Variants in SEMA4B observed in about 807,000 individuals in gnomAD.
SEMA4B encodes semaphorin-4B.
In SEMA4B, 55 loss-of-function variants were observed where a neutral mutation model predicts 88.1. The observed-to-expected ratio is 0.62, with a 90% CI of 0.50 to 0.78. The LOEUF (loss-of-function observed/expected upper bound fraction) is 0.78. SEMA4B is among the 30% of genes least tolerant of loss of function. The pLI is 0.00. For synonymous variants in SEMA4B, 525 were observed against 473.6 expected, an observed-to-expected ratio of 1.11 and a Z score of -1.41; for missense variants, 1,062 against 1,111.9, an observed-to-expected ratio of 0.96 and a Z score of 0.64.
At chr15:90,199,245 G>C (rs75026789), upstream of SEMA4B, among the ~76,000 whole-genome samples, 3 of 152,132 alleles carry the variant, frequency 2.0e-5, no homozygotes, top group African/African-American at 7.2e-5. Flanking sequence ...AGGAGGAAAC[G>C]GGGAGAACAG....
At chr15:90,220,928 C>A in intron 4 of SEMA4B, 54 bp from the exon 5 acceptor site, 1 of 1,196,066 alleles carries the variant, frequency 8.4e-7, no homozygotes. Context: ...TCTCACCAAG[C>A]CTGCTCCTCA....
rs1451341227 is a variant in SEMA4B at position 90,228,045 on chromosome 15, C to G, written c.1916C>G (p.Pro639Arg). ...VNASASCHVLPTGDLLLVGTQ... is the reference protein window; with the variant it reads ...VNASASCHVLRTGDLLLVGTQ... ...GCCTCGGCCTCCTGCCACGTGCTACCCACTGGGGACCTGCTGCTGGTGGGC... is the reference window on the plus strand; with the variant it reads ...GCCTCGGCCTCCTGCCACGTGCTACGCACTGGGGACCTGCTGCTGGTGGGC... The change falls in exon 14 of 14, where the codon CCC (proline) becomes CGC (arginine). Residue 639 changes from proline (P) to arginine (R), a missense_variant. Transcript: ENST00000411539. 1.9e-6 allele frequency: 3 copies of G among 1,613,854 alleles called. No homozygotes were observed. The Admixed American group carries it at 5.0e-5, about 27-fold the overall frequency.
intron 1 of SEMA4B, among the ~76,000 whole-genome samples, chr15:90,208,218 C>T (rs1297134318): frequency 2.0e-5 from 3 of 151,086 alleles, no homozygotes; most frequent in African/African-American, 7.3e-5. Flanking sequence ...CATGCCATTG[C>T]ACTCCAGCCT....
intron 1 of SEMA4B, among the ~76,000 whole-genome samples, chr15:90,192,664 C>T (rs1232070422): frequency 7.1e-6 from 1 of 140,684 alleles, no homozygotes; most frequent in African/African-American, 2.7e-5. Context: ...GATCTTGGCT[C>T]ACTGCAGCCT....
Position 90,225,316 on chromosome 15 carries a change from C to T in SEMA4B, c.1440C>T (p.Gly480=), listed in dbSNP as rs1962099860. 5.8e-6 allele frequency: 9 copies of T among 1,558,600 alleles called. No individual in the cohort carries two copies. The highest frequency in any genetic ancestry group is 1.9e-5 in the Admixed American group (1 of 51,700). The change falls in exon 11 of 14, where the codon GGC becomes GGT. Residue 480 remains glycine, a synonymous_variant. Coordinates refer to ENST00000411539, the MANE Select transcript of SEMA4B (RefSeq NM_198925.4). ...DGRLHKAVSV[G]PRVHIIEELQ... ...GGCTCCACAAGGCAGTGAGCGTGGG[C>T]CCCCGGGTGCACATCATTGAGGAGC...
intron 1 of SEMA4B, among the ~76,000 whole-genome samples, chr15:90,195,924 C>CTTTTTTTTTTTTTT (rs776885861): frequency 1.8e-4 from 14 of 76,690 alleles, no homozygotes; most frequent in African/African-American, 5.6e-4. Flanking sequence ...TTGTACTTCT[C>CTTTTTTTTTTTTTT]TTTTTTTTTT....
intron 1 of SEMA4B, among the ~76,000 whole-genome samples, chr15:90,195,943 C>A: frequency 2.2e-5 from 1 of 46,466 alleles, no homozygotes; most frequent in African/African-American, 2.2e-4. Context: ...TTTTTCGAGA[C>A]GGAGTCTCGC....
intron 1 of SEMA4B, among the ~76,000 whole-genome samples, chr15:90,205,045 G>A (rs11631716): frequency 1.3e-5 from 2 of 152,144 alleles, no homozygotes; most frequent in Non-Finnish European, 2.9e-5. Context: ...AAAGTGCTGG[G>A]ATTACAGGCA....
chr15:90,224,077 C>A, intron 9 of SEMA4B, 89 bp downstream of exon 9: 3 of 1,301,636 alleles, frequency 2.3e-6, no homozygotes, highest in South Asian at 1.4e-5. Flanking sequence ...TAGCCTCGGG[C>A]AGATCACTTG....
At chr15:90,222,674 C>G (rs2151622318) in intron 7 of SEMA4B, among the ~76,000 whole-genome samples, 1 of 152,196 alleles carries the variant, frequency 6.6e-6, no homozygotes, top group South Asian at 2.1e-4. Flanking sequence ...GGCCAACTGC[C>G]CAAGTTCAAA....
chr15:90,213,269 A>G (rs1321672981), intron 1 of SEMA4B, among the ~76,000 whole-genome samples: 1 of 152,186 alleles, frequency 6.6e-6, no homozygotes, highest in African/African-American at 2.4e-5. Flanking sequence ...GTGGTAGAGG[A>G]TGGCTTTGAA....
intron 1 of SEMA4B, among the ~76,000 whole-genome samples, chr15:90,214,410 G>C (rs1269957454): frequency 6.6e-6 from 1 of 151,868 alleles, no homozygotes; most frequent in African/African-American, 2.4e-5. Context: ...GGCCGAGGCG[G>C]GTGGATCACA....
chr15:90,186,838 C>A (rs892921892), intron 1 of SEMA4B, among the ~76,000 whole-genome samples: 1 of 151,908 alleles, frequency 6.6e-6, no homozygotes, highest in Non-Finnish European at 1.5e-5. Context: ...GAGGCTGAGA[C>A]AGAAGAATGG....
At position 90,217,793 on chromosome 15, in the gene SEMA4B, G is replaced by C; in HGVS notation, c.348G>C (p.Lys116Asn). The change falls in exon 3 of 14, where the codon AAG becomes AAC. Residue 116 changes from lysine to asparagine, a missense_variant. By Grantham distance (94) the Lys-to-Asn change is moderately conservative. Coordinates refer to ENST00000411539, the MANE Select transcript of SEMA4B (RefSeq NM_198925.4). ...QELLWGADAE[K>N]KQQCSFKGKD... The stretch of plus-strand genomic sequence containing the variant: ...TGCTTTGGGGTGCAGACGCAGAGAA[G>C]AAACAGCAGTGCAGCTTCAAGGGCA... 1 of 1,613,494 alleles carries C rather than the reference G, an allele frequency of 6.2e-7. No individual in the cohort carries two copies. Among genetic ancestry groups the C allele is most frequent in the Non-Finnish European group, 8.5e-7 (1 of 1,179,672 alleles).
chr15:90,205,930 A>G (rs1960964418), intron 1 of SEMA4B, among the ~76,000 whole-genome samples: 3 of 152,286 alleles, frequency 2.0e-5, no homozygotes, highest in African/African-American at 7.2e-5. Flanking sequence ...CCTCCTCTGC[A>G]TGGGGCTGGA....
chr15:90,201,735 G>A lies in SEMA4B; in HGVS notation c.157G>A (p.Gly53Ser). Reference sequence around the variant, plus strand: ...CAGCCCCCGGATCAGCCTGCCTCTGGGTGAGTGCCGGGGACCCGGGGACGC... The same window carrying A: ...CAGCCCCCGGATCAGCCTGCCTCTGAGTGAGTGCCGGGGACCCGGGGACGC... ...ALSPRISLPLGSEERPFLRFE... is the reference protein window; with the variant it reads ...ALSPRISLPLSSEERPFLRFE... The change falls in exon 1 of 14, where the codon GGC becomes AGC. Residue 53 changes from glycine to serine, a missense_variant and splice_region_variant. By Grantham distance (56) the Gly-to-Ser change is moderately conservative (BLOSUM62 0). Coordinates refer to ENST00000411539, the MANE Select transcript of SEMA4B (RefSeq NM_198925.4). 4 of 1,444,464 alleles carry A rather than the reference G, an allele frequency of 2.8e-6. No individual in the cohort carries two copies. Among genetic ancestry groups the A allele is most frequent in the Non-Finnish European group, 3.6e-6 (4 of 1,103,522 alleles). 89.5% of individuals were successfully genotyped at this position (1,444,464 alleles called of 1,614,324 possible). A position where few individuals can be genotyped will look rare whatever the true frequency, so the allele number is the denominator to read the frequency against.
At chr15:90,220,810 C>G (rs185443698) in intron 4 of SEMA4B, among the ~76,000 whole-genome samples, 172 bp from the exon 5 acceptor site, 1 of 152,162 alleles carries the variant, frequency 6.6e-6, no homozygotes, top group Non-Finnish European at 1.5e-5. Flanking sequence ...TCAAACCCTT[C>G]GGCACCGTGT....
intron 9 of SEMA4B, 66 bp from the exon 10 acceptor site, chr15:90,224,902 C>A: frequency 7.4e-7 from 1 of 1,359,314 alleles, no homozygotes; most frequent in Non-Finnish European, 1.1e-6. Flanking sequence ...ACTGGGGAAG[C>A]AGGGCCCGCA....
rs116427507 is a variant in SEMA4B, at chr15:90,229,072, C to T, written c.*429C>T. 1,136 of 356,122 alleles carry T rather than the reference C, an allele frequency of 3.2e-3. 17 individuals are homozygous for T. The highest frequency in any genetic ancestry group is 0.022 in the African/African-American group (1,014 of 46,734). The allele number at this position is 356,122 out of a possible 1,614,324, so 22.1% of individuals were successfully genotyped here. A position where few individuals can be genotyped will look rare whatever the true frequency, so the allele number is the denominator to read the frequency against. ...AGACAGAGTTGGAAACCCTCACCAACTGGCCTCTTCACCTTCCACATTATC... is the reference window on the plus strand; with the variant it reads ...AGACAGAGTTGGAAACCCTCACCAATTGGCCTCTTCACCTTCCACATTATC... On this transcript the variant is annotated 3_prime_UTR_variant, in exon 14 of 14. Transcript: ENST00000411539.
Sources: gnomAD v4.1 joint callset for allele counts (sites outside exome capture counted in the v4.1 genomes callset) on GRCh38, gnomAD v4.1.1 for gene constraint, MANE v1.5 for transcripts, NCBI Gene and HGNC (gene_info 2026-07-23, HGNC 2026-07-21) for gene names.